JAZF1: variants seen among roughly 807,000 people sequenced by gnomAD.
The protein encoded by JAZF1 is juxtaposed with another zinc finger protein 1.
A neutral mutation model predicts 26.4 loss-of-function variants in JAZF1; 8 were observed. The ratio of observed to expected loss-of-function variants is 0.30; its 90% CI spans 0.18 to 0.55. The LOEUF is 0.55. JAZF1 is among the 20% of genes least tolerant of loss of function. The probability of loss-of-function intolerance (pLI) is 0.94; values close to 1 mark genes in which losing one functional copy is unlikely to be tolerated. For synonymous variants in JAZF1, 126 were observed against 122.3 expected (o/e 1.03, Z -0.20); for missense variants, 199 against 322.0 (o/e 0.62, Z 2.92).
chr7:27,903,347 C>T (rs962309110), intron 2 of JAZF1, among the ~76,000 whole-genome samples: 5 of 152,150 alleles, frequency 3.3e-5, no homozygotes, highest in African/African-American at 1.2e-4. Flanking sequence ...GCGTTCACCA[C>T]CACATCTGGA....
intron 1 of JAZF1, among the ~76,000 whole-genome samples, chr7:27,995,306 A>G (rs999935868): frequency 6.6e-6 from 1 of 152,246 alleles, no homozygotes; most frequent in Non-Finnish European, 1.5e-5. Context: ...TTTCATAGCC[A>G]CATGAGGCTC....
chr7:27,851,052 C>G (rs1050253791), intron 3 of JAZF1, among the ~76,000 whole-genome samples: 4 of 152,160 alleles, frequency 2.6e-5, no homozygotes, highest in Non-Finnish European at 5.9e-5. Flanking sequence ...AAATGATTCT[C>G]CTGCCTAAGC....
At chr7:28,000,612 TTCTTTCTTTC>T (rs1301465741) in intron 1 of JAZF1, among the ~76,000 whole-genome samples, 1 of 136,994 alleles carries the variant, frequency 7.3e-6, no homozygotes, top group African/African-American at 3.2e-5. Context: ...CTTTCTTTCT[TTCTTTCTTTC>T]TTTTTTTTTT....
chr7:28,128,056 C>A (rs537804001), intron 1 of JAZF1, among the ~76,000 whole-genome samples: 17 of 152,192 alleles, frequency 1.1e-4, no homozygotes, highest in Middle Eastern at 3.4e-3. Flanking sequence ...AAAGAGATAT[C>A]CTCTCTTAGT....
intron 3 of JAZF1, among the ~76,000 whole-genome samples, chr7:27,878,543 T>A (rs1392926419): frequency 6.6e-6 from 1 of 152,256 alleles, no homozygotes; most frequent in Non-Finnish European, 1.5e-5. Context: ...GTATCCAAGA[T>A]GATCTCTGCA....
At chr7:27,845,711 A>AAAGAAAAAAG (rs1554328475) in intron 3 of JAZF1, among the ~76,000 whole-genome samples, 4 of 137,672 alleles carry the variant, frequency 2.9e-5, no homozygotes, top group African/African-American at 1.1e-4. Flanking sequence ...AAAAAAAAAA[A>AAAGAAAAAAG]AAAGAAAAGA....
chr7:28,116,852 C>G (rs990394627), intron 1 of JAZF1, among the ~76,000 whole-genome samples: 4 of 152,078 alleles, frequency 2.6e-5, no homozygotes, highest in Non-Finnish European at 4.4e-5. Context: ...GAGACAGAGT[C>G]TCGCTCTGTT....
intron 1 of JAZF1, among the ~76,000 whole-genome samples, chr7:28,101,817 CA>C: frequency 6.6e-6 from 1 of 150,734 alleles, no homozygotes; most frequent in South Asian, 2.1e-4. Context: ...GTAAAGAAAA[CA>C]AACAAACAAA....
At chr7:27,960,792 G>A (rs1785173118) in intron 2 of JAZF1, among the ~76,000 whole-genome samples, 1 of 152,214 alleles carries the variant, frequency 6.6e-6, no homozygotes, top group African/African-American at 2.4e-5. Flanking sequence ...ACCTGGTGGA[G>A]GCTGCTGGGA....
At chr7:27,944,750 C>T (rs1345488712) in intron 2 of JAZF1, among the ~76,000 whole-genome samples, 3 of 152,070 alleles carry the variant, frequency 2.0e-5, no homozygotes, top group Non-Finnish European at 2.9e-5. Flanking sequence ...CCACTAGCAA[C>T]GATCTTCCTA....
At chr7:27,904,680 C>A (rs1784220900) in intron 2 of JAZF1, among the ~76,000 whole-genome samples, 1 of 152,066 alleles carries the variant, frequency 6.6e-6, no homozygotes, top group African/African-American at 2.4e-5. Context: ...AAACTCTGAG[C>A]CCCTTTTAAC....
At chr7:28,006,300 C>T (rs545727690) in intron 1 of JAZF1, among the ~76,000 whole-genome samples, 7 of 152,068 alleles carry the variant, frequency 4.6e-5, no homozygotes, top group Admixed American at 2.0e-4. Context: ...ACCTGGGAAG[C>T]GGAGGTCACA....
At chr7:27,869,430 G>C (rs1033556964) in intron 3 of JAZF1, among the ~76,000 whole-genome samples, 1 of 152,180 alleles carries the variant, frequency 6.6e-6, no homozygotes, top group Non-Finnish European at 1.5e-5. Context: ...GACAGACTAG[G>C]TATTTTGGGG....
intron 2 of JAZF1, among the ~76,000 whole-genome samples, chr7:27,970,438 C>CAAAAA (rs1393448985): frequency 2.0e-5 from 3 of 151,854 alleles, no homozygotes; most frequent in Non-Finnish European, 4.4e-5. Flanking sequence ...CCTGGACAAA[C>CAAAAA]AAAACAAAAC....
At chr7:27,936,199 A>G (rs918681677) in intron 2 of JAZF1, among the ~76,000 whole-genome samples, 11 of 152,250 alleles carry the variant, frequency 7.2e-5, no homozygotes, top group Admixed American at 6.5e-4. Flanking sequence ...TAGGGAAAAG[A>G]GAGATGACAC....
At chr7:27,978,565 G>T (rs930073988) in intron 2 of JAZF1, among the ~76,000 whole-genome samples, 9 of 152,134 alleles carry the variant, frequency 5.9e-5, no homozygotes, top group Non-Finnish European at 1.0e-4. Flanking sequence ...TGAATAAAAG[G>T]CTTCAGGGTT....
chr7:28,143,916 T>C (rs533645768), intron 1 of JAZF1, among the ~76,000 whole-genome samples: 1 of 152,336 alleles, frequency 6.6e-6, no homozygotes. Context: ...TCAATTTTCA[T>C]TTCGTGCTGA....
chr7:28,000,625 T>TTC (rs1554281026), intron 1 of JAZF1, among the ~76,000 whole-genome samples: 6 of 141,992 alleles, frequency 4.2e-5, no homozygotes, highest in African/African-American at 1.6e-4. Context: ...TTTCTTTCTT[T>TTC]TTTTTTTTTT....
At chr7:27,938,766 G>A (rs1784796941) in intron 2 of JAZF1, among the ~76,000 whole-genome samples, 1 of 151,716 alleles carries the variant, frequency 6.6e-6, no homozygotes, top group African/African-American at 2.4e-5. Flanking sequence ...CCACCTCCCA[G>A]GCTCAAGCAA....
Sources: gnomAD v4.1 joint callset for allele counts (sites outside exome capture counted in the v4.1 genomes callset) on GRCh38, gnomAD v4.1.1 for gene constraint, MANE v1.5 for transcripts, NCBI Gene and HGNC (gene_info 2026-07-23, HGNC 2026-07-21) for gene names.